Variants in POLR1D observed in about 807,000 individuals in gnomAD.
The protein encoded by POLR1D is DNA-directed RNA polymerases I and III subunit RPAC2.
A neutral mutation model predicts 10.8 loss-of-function variants in POLR1D; 8 were observed. The ratio of observed to expected loss-of-function variants is 0.74; its 90% CI spans 0.43 to 1.33. POLR1D has a LOEUF of 1.33. POLR1D is among the 40% of genes most tolerant of loss of function. POLR1D has a pLI of 0.01. For synonymous variants in POLR1D, 54 were observed against 57.2 expected, an observed-to-expected ratio of 0.94 and a Z score of 0.25; for missense variants, 152 against 161.7, an observed-to-expected ratio of 0.94 and a Z score of 0.32.
At chr13:27,626,004 C>T (rs1044966498), downstream of POLR1D, among the ~76,000 whole-genome samples, 7 of 151,994 alleles carry the variant, frequency 4.6e-5, no homozygotes, top group East Asian at 7.7e-4. Context: ...TGAGTTTAGG[C>T]GGGAGCAGGG....
At chr13:27,627,358 G>C (rs1438815704), downstream of POLR1D, among the ~76,000 whole-genome samples, 1 of 151,168 alleles carries the variant, frequency 6.6e-6, no homozygotes, top group African/African-American at 2.4e-5. Context: ...TATACAGTAA[G>C]TATGTACCTA....
chr13:27,622,501 A>T, intron 1 of POLR1D: 1 of 300,290 alleles, frequency 3.3e-6, no homozygotes, highest in Non-Finnish European at 6.3e-6. Flanking sequence ...CTATTTTTAT[A>T]CTAGAGCAAT....
At chr13:27,626,840 T>C (rs1956015227), downstream of POLR1D, among the ~76,000 whole-genome samples, 1 of 152,222 alleles carries the variant, frequency 6.6e-6, no homozygotes, top group African/African-American at 2.4e-5. Context: ...TGCATATAGC[T>C]GTAACATCTA....
chr13:27,639,162 T>G (rs1394582846), intron 1 of POLR1D, among the ~76,000 whole-genome samples: 1 of 152,208 alleles, frequency 6.6e-6, no homozygotes, highest in Admixed American at 6.5e-5. Flanking sequence ...TCCCTTTTTC[T>G]TTTGCAGTTT....
At chr13:27,648,401 A>G (rs1225614993) in exon 2 of POLR1D, 1 of 1,609,962 alleles carries the variant, frequency 6.2e-7, no homozygotes, top group East Asian at 2.2e-5. Context: ...AGAACTGCTT[A>G]AGGAGGCAAA....
intron 1 of POLR1D, 162 bp from the exon 2 acceptor site, chr13:27,622,713 A>G (rs1593275090): frequency 3.3e-6 from 2 of 609,592 alleles, no homozygotes; most frequent in East Asian, 5.6e-5. Context: ...TTAAATATTT[A>G]TTGATAGAGT....
intron 2 of POLR1D, chr13:27,651,689 A>G (rs943158893): frequency 2.0e-5 from 3 of 152,182 alleles, no homozygotes; most frequent in African/African-American, 7.2e-5. Context: ...AATAGATGTA[A>G]CCCACATAAA....
chr13:27,655,613 A>G (rs79696482), intron 2 of POLR1D, among the ~76,000 whole-genome samples: 2,619 of 152,316 alleles, frequency 0.017, 39 homozygotes, highest in Non-Finnish European at 0.026. Context: ...ACAGATCAGG[A>G]GGACTTAATG....
rs139003194 is a variant in POLR1D at position 27,648,397 on chromosome 13, G to A, written c.45G>A (p.Leu15=). The change falls in exon 2 of 3, where the codon CTG becomes CTA. Residue 15 remains leucine, a synonymous_variant. Coordinates refer to the POLR1D transcript ENST00000399697. ...TTATCAGGAAAGCAATAGAAGAACT[G>A]CTTAAGGAGGCAAAACGTGGGAAAA... 2.2e-5 allele frequency: 36 copies of A among 1,609,680 alleles called. No individual in the cohort carries two copies. In the African/African-American group the frequency reaches 4.4e-4, roughly 20 times the overall value.
At chr13:27,635,689 A>C (rs1192929256) in intron 1 of POLR1D, among the ~76,000 whole-genome samples, 2 of 111,298 alleles carry the variant, frequency 1.8e-5, no homozygotes, top group Admixed American at 2.3e-4. Context: ...CTATAGTTAC[A>C]AAGTAACTAT....
chr13:27,624,436 C>T (rs891570565), downstream of POLR1D, among the ~76,000 whole-genome samples: 2 of 152,278 alleles, frequency 1.3e-5, no homozygotes, highest in South Asian at 2.1e-4. Flanking sequence ...TGACCTCTTA[C>T]ACTAGCGTGC....
At chr13:27,631,104 C>G (rs928438162) in intron 1 of POLR1D, among the ~76,000 whole-genome samples, 5 of 152,166 alleles carry the variant, frequency 3.3e-5, no homozygotes, top group African/African-American at 1.2e-4. Flanking sequence ...ATAGATTATC[C>G]CAAAACTTAG....
chr13:27,644,021 A>G (rs1179266368), intron 1 of POLR1D, among the ~76,000 whole-genome samples: 1 of 152,150 alleles, frequency 6.6e-6, no homozygotes, highest in East Asian at 1.9e-4. Context: ...GGTGACTTTT[A>G]AAGACTGAGA....
In POLR1D at chr13:27,663,758, G is replaced by A. The variant is rs1956388283; in HGVS notation, c.102-1928G>A. ...GTTTAATGCAGAGAAGAACTGGCCA[G>A]TTTACCACCACTGAGATGGCCCACT... On this transcript the variant is annotated intron_variant, in intron 2 of 2. Coordinates refer to the POLR1D transcript ENST00000399697. The surrounding 1 kb of genome is among the most constrained non-coding windows in gnomAD (Gnocchi z 4.1). Among the ~76,000 whole-genome samples the A allele has an allele frequency of 6.6e-6, 1 of 152,138 alleles. No homozygotes were observed. Among genetic ancestry groups the A allele is most frequent in the Non-Finnish European group, 1.5e-5 (1 of 68,034 alleles).
chr13:27,665,579 C>A, intron 2 of POLR1D: 1 of 1,030,328 alleles, frequency 9.7e-7, no homozygotes, highest in Non-Finnish European at 1.5e-6. Flanking sequence ...TTCAGAAACT[C>A]GATTCTGTGG....
chr13:27,638,325 AT>A (rs760480615), intron 1 of POLR1D, among the ~76,000 whole-genome samples: 2 of 152,232 alleles, frequency 1.3e-5, no homozygotes, highest in Non-Finnish European at 2.9e-5. Flanking sequence ...GTATTGCTAG[AT>A]TTCTAAGAAT....
intron 1 of POLR1D, among the ~76,000 whole-genome samples, chr13:27,635,952 G>A (rs1208461252): frequency 1.3e-5 from 2 of 151,938 alleles, no homozygotes; most frequent in Non-Finnish European, 2.9e-5. Context: ...AACTGTAAAG[G>A]AAGAACTGCA....
At chr13:27,652,866 C>CA (rs34688215) in intron 2 of POLR1D, among the ~76,000 whole-genome samples, 107 of 117,166 alleles carry the variant, frequency 9.1e-4, no homozygotes, top group African/African-American at 3.0e-3. Flanking sequence ...GACTCCATCT[C>CA]AAAAAAAAAA....
chr13:27,666,189 A>G, exon 3 of POLR1D: 1 of 490,764 alleles, frequency 2.0e-6, no homozygotes, highest in Non-Finnish European at 3.6e-6. Flanking sequence ...AGTGTAGTAG[A>G]CTTACATATT....
Sources: gnomAD v4.1 joint callset for allele counts (sites outside exome capture counted in the v4.1 genomes callset) on GRCh38, gnomAD v4.1.1 for gene constraint, Gnocchi (gnomAD v3.1) non-coding constraint, MANE v1.5 for transcripts, NCBI Gene and HGNC (gene_info 2026-07-23, HGNC 2026-07-21) for gene names.